The following DNAH11 variants were observed in gnomAD, a reference collection of about 807,000 sequenced individuals.
DNAH11 encodes dynein axonemal heavy chain 11.
In DNAH11, 442 loss-of-function variants were observed where a neutral mutation model predicts 526.0. That is an observed-to-expected ratio of 0.84 (90% CI 0.78 to 0.91). The LOEUF (loss-of-function observed/expected upper bound fraction) is 0.91. DNAH11 is among the 40% of genes least tolerant of loss of function. The pLI, the probability that DNAH11 is intolerant of heterozygous loss-of-function variation, is 0.00. For missense variants in DNAH11, 6,989 were observed against 5,448.7 expected (o/e 1.28, Z -8.90); for synonymous variants, 2,461 against 1,935.9 (o/e 1.27, Z -7.12).
intron 65 of DNAH11, among the ~76,000 whole-genome samples, chr7:21,823,898 A>C (rs752292226): frequency 1.3e-5 from 2 of 152,208 alleles, no homozygotes; most frequent in Non-Finnish European, 2.9e-5. Flanking sequence ...TTCCTTCTTC[A>C]GGGTGCCTGC....
chr7:21,807,247 C>G (rs1789303485), intron 62 of DNAH11, among the ~76,000 whole-genome samples: 1 of 152,068 alleles, frequency 6.6e-6, no homozygotes, highest in Non-Finnish European at 1.5e-5. Context: ...GCCTGTAATC[C>G]CAGCACTTTA....
rs140864873 is a variant in DNAH11, at chr7:21,828,171, A to G, written c.10691+9832A>G. Among the ~76,000 whole-genome samples, 268 of 151,544 alleles carry G rather than the reference A, an allele frequency of 1.8e-3. 1 individual carries two copies. Among genetic ancestry groups the G allele is most frequent in the African/African-American group, 6.1e-3 (250 of 41,286 alleles). The stretch of plus-strand genomic sequence containing the variant: ...ACTATGTTGGTCAGGCTGGTCTTGA[A>G]CTCCTGACCTCAGGTGATCCACCCT... On this transcript the variant is annotated intron_variant, in intron 65 of 81. Transcript: ENST00000409508.
intron 56 of DNAH11, among the ~76,000 whole-genome samples, chr7:21,776,700 T>G (rs1186397495): frequency 2.6e-5 from 4 of 152,194 alleles, no homozygotes; most frequent in Admixed American, 6.5e-5. Context: ...AAACTGAAAT[T>G]AGGGCTTGAA....
chr7:21,822,286 A>G (rs1381412335), intron 65 of DNAH11, among the ~76,000 whole-genome samples: 4 of 152,108 alleles, frequency 2.6e-5, no homozygotes, highest in African/African-American at 9.7e-5. Context: ...GTAAACGGGG[A>G]GCAGACATGT....
intron 74 of DNAH11, among the ~76,000 whole-genome samples, chr7:21,874,427 C>A (rs537654579): frequency 3.9e-5 from 6 of 152,064 alleles, no homozygotes; most frequent in Admixed American, 1.3e-4. Context: ...CCTCAGCCTC[C>A]CAGGTTGAAG....
intron 42 of DNAH11, among the ~76,000 whole-genome samples, chr7:21,712,655 G>A (rs533152781): frequency 6.6e-6 from 1 of 152,324 alleles, no homozygotes; most frequent in East Asian, 1.9e-4. Flanking sequence ...CTTATTGGCA[G>A]TTTGTATGTC....
intron 49 of DNAH11, among the ~76,000 whole-genome samples, chr7:21,743,857 C>G (rs1398053338): frequency 6.6e-6 from 1 of 152,200 alleles, no homozygotes; most frequent in Non-Finnish European, 1.5e-5. Context: ...TTCTCCACAA[C>G]TCCCTTACTG....
At chr7:21,890,388 A>G (rs1784289169) in intron 76 of DNAH11, among the ~76,000 whole-genome samples, 1 of 152,204 alleles carries the variant, frequency 6.6e-6, no homozygotes, top group African/African-American at 2.4e-5. Flanking sequence ...GCAGTACATG[A>G]GCACGCATTC....
At chr7:21,801,380 C>G (rs1788988673) in intron 62 of DNAH11, 105 bp downstream of exon 62, 1 of 1,432,264 alleles carries the variant, frequency 7.0e-7, no homozygotes, top group Non-Finnish European at 9.5e-7. Context: ...GAATTAACAA[C>G]AAAGGATAAT....
At chr7:21,692,994 T>C (rs1783693558) in intron 35 of DNAH11, among the ~76,000 whole-genome samples, 1 of 152,252 alleles carries the variant, frequency 6.6e-6, no homozygotes, top group Non-Finnish European at 1.5e-5. Context: ...GTATTCTGCA[T>C]ACAGTTCCTT....
At chr7:21,642,500 A>G (rs1438428700) in intron 28 of DNAH11, among the ~76,000 whole-genome samples, 3 of 152,144 alleles carry the variant, frequency 2.0e-5, no homozygotes, top group Non-Finnish European at 4.4e-5. Flanking sequence ...TTTCAACATT[A>G]GAGTCAGTTT....
rs1235305929 is a variant in DNAH11, at chr7:21,738,769, A to T, written c.7714A>T (p.Ile2572Phe). 3.1e-6 allele frequency: 5 copies of T among 1,591,680 alleles called. No individual in the cohort carries two copies. The East Asian group carries it at 1.1e-4, about 36-fold the overall frequency. ...NYGPGGNKKL[I>F]YFIDDMNMPE... is the part of the protein sequence containing the mutation. ...TGGTCCTGGAGGAAATAAAAAATTG[A>T]TTTATTTTATCGACGACATGAACAT... is the stretch of plus-strand genomic sequence containing the variant. Residue 2572 changes from isoleucine to phenylalanine, a missense_variant, in exon 47 of 82, where the codon ATT becomes TTT. Transcript: ENST00000409508.
At chr7:21,597,432 AAAAG>A (rs1355810803) in intron 14 of DNAH11, among the ~76,000 whole-genome samples, 2 of 152,200 alleles carry the variant, frequency 1.3e-5, no homozygotes, top group African/African-American at 4.8e-5. Flanking sequence ...TGCTTTGAAA[AAAAG>A]AACTACCTGA....
intron 14 of DNAH11, among the ~76,000 whole-genome samples, chr7:21,592,466 G>C (rs1439356338): frequency 3.3e-5 from 5 of 152,160 alleles, no homozygotes; most frequent in Admixed American, 1.3e-4. Flanking sequence ...AAGGGGAGTG[G>C]TAGTAGAGGG....
intron 18 of DNAH11, among the ~76,000 whole-genome samples, chr7:21,602,084 A>G (rs75561218): frequency 0.062 from 9,435 of 152,138 alleles, 388 homozygotes; most frequent in East Asian, 0.19. Context: ...TCATGTCTGT[A>G]ATCCCAGCAC....
intron 28 of DNAH11, among the ~76,000 whole-genome samples, chr7:21,642,959 A>C (rs888993267): frequency 1.3e-5 from 2 of 152,194 alleles, no homozygotes; most frequent in Non-Finnish European, 2.9e-5. Context: ...AAGTTTTAAA[A>C]ATTTCCTTCC....
intron 76 of DNAH11, among the ~76,000 whole-genome samples, chr7:21,890,636 G>T (rs1784295510): frequency 6.6e-6 from 1 of 152,080 alleles, no homozygotes; most frequent in Non-Finnish European, 1.5e-5. Flanking sequence ...TTCATATTTT[G>T]CCCATATTTT....
chr7:21,810,507 C>A (rs904154464), intron 63 of DNAH11, among the ~76,000 whole-genome samples: 1 of 152,006 alleles, frequency 6.6e-6, no homozygotes, highest in Admixed American at 6.6e-5. Context: ...CTGGCCAAAC[C>A]AAAGGAAATT....
chr7:21,851,587 C>A (rs1024126829), intron 66 of DNAH11: 1 of 471,502 alleles, frequency 2.1e-6, no homozygotes, highest in Non-Finnish European at 4.4e-6. Context: ...TAGCCCAGAG[C>A]TGGTGTAGAT....
Sources: gnomAD v4.1 joint callset for allele counts (sites outside exome capture counted in the v4.1 genomes callset) on GRCh38, gnomAD v4.1.1 for gene constraint, MANE v1.5 for transcripts, NCBI Gene and HGNC (gene_info 2026-07-23, HGNC 2026-07-21) for gene names.